Variants in EPYC observed in about 807,000 individuals in gnomAD.
EPYC encodes the protein dermatan sulfate proteoglycan 3.
A neutral mutation model predicts 30.1 loss-of-function variants in EPYC; 28 were observed. The observed-to-expected ratio is 0.93, with a 90% CI of 0.69 to 1.28. EPYC has a LOEUF of 1.28. EPYC is among the 50% of genes most tolerant of loss of function. EPYC has a pLI of 0.00. For missense variants in EPYC, 382 were observed against 383.5 expected (o/e 1.00, Z 0.03); for synonymous variants, 144 against 141.4 (o/e 1.02, Z -0.13).
chr12:90,986,240 C>A (rs986096543), intron 2 of EPYC, among the ~76,000 whole-genome samples: 2 of 152,020 alleles, frequency 1.3e-5, no homozygotes, highest in Non-Finnish European at 2.9e-5. Context: ...CCAAATCAGG[C>A]TAAAAGACCC....
intron 3 of EPYC, among the ~76,000 whole-genome samples, chr12:90,977,407 G>T (rs569954229): frequency 3.3e-5 from 5 of 152,232 alleles, no homozygotes; most frequent in South Asian, 2.1e-4. Flanking sequence ...GCAACATGGT[G>T]TCTGATGTTG....
intron 2 of EPYC, among the ~76,000 whole-genome samples, chr12:90,998,190 C>T (rs759985194): frequency 3.9e-5 from 6 of 151,926 alleles, no homozygotes; most frequent in Non-Finnish European, 7.4e-5. Flanking sequence ...ATAATAAATG[C>T]TCACTTAAGG....
intron 2 of EPYC, among the ~76,000 whole-genome samples, chr12:90,999,530 T>C (rs965578108): frequency 6.6e-6 from 1 of 152,144 alleles, no homozygotes; most frequent in Admixed American, 6.6e-5. Flanking sequence ...ATTTTCCATG[T>C]GCTTTACTTA....
At chr12:90,994,691 G>A (rs561683314) in intron 2 of EPYC, among the ~76,000 whole-genome samples, 46 of 152,184 alleles carry the variant, frequency 3.0e-4, no homozygotes, top group African/African-American at 1.1e-3. Flanking sequence ...CTTAATTTAG[G>A]ATACCCATTG....
intron 6 of EPYC, among the ~76,000 whole-genome samples, chr12:90,966,125 T>G (rs183150371): frequency 2.0e-4 from 31 of 152,136 alleles, no homozygotes; most frequent in Admixed American, 1.5e-3. Flanking sequence ...TACTATATTT[T>G]ATGTATTTAT....
At chr12:90,976,363 T>A (rs1877180445) in intron 3 of EPYC, among the ~76,000 whole-genome samples, 1 of 152,182 alleles carries the variant, frequency 6.6e-6, no homozygotes, top group African/African-American at 2.4e-5. Context: ...ATGTTTACTA[T>A]GGGCCAGTAA....
At chr12:91,004,178 C>T (rs1015130865) in intron 1 of EPYC, among the ~76,000 whole-genome samples, 8 of 151,994 alleles carry the variant, frequency 5.3e-5, no homozygotes, top group Admixed American at 2.6e-4. Flanking sequence ...AAAATTTTTC[C>T]TTATATGTTT....
intron 2 of EPYC, among the ~76,000 whole-genome samples, chr12:90,983,766 C>T (rs984508039): frequency 1.3e-5 from 2 of 152,116 alleles, no homozygotes; most frequent in African/African-American, 4.8e-5. Context: ...TTCTAAAAAC[C>T]ACTCCATCTC....
chr12:90,994,149 T>C (rs1877647271), intron 2 of EPYC, among the ~76,000 whole-genome samples: 1 of 152,138 alleles, frequency 6.6e-6, no homozygotes, highest in Admixed American at 6.5e-5. Context: ...CTTCCCAAAT[T>C]CTTGGCTCTC....
intron 2 of EPYC, among the ~76,000 whole-genome samples, chr12:90,992,494 C>T (rs759236165): frequency 2.0e-5 from 3 of 152,164 alleles, no homozygotes; most frequent in Non-Finnish European, 4.4e-5. Flanking sequence ...AAAATACATG[C>T]TCACTAGAGA....
intron 1 of EPYC, among the ~76,000 whole-genome samples, chr12:91,004,268 G>A (rs1031350938): frequency 1.3e-5 from 2 of 151,940 alleles, no homozygotes; most frequent in African/African-American, 4.8e-5. Flanking sequence ...ATTACATATA[G>A]CTACATCTCA....
chr12:90,964,129 C>T lies in EPYC; in HGVS notation c.*27G>A. 1 of 1,584,750 alleles carries T rather than the reference C, an allele frequency of 6.3e-7. No homozygotes were observed. The highest frequency in any genetic ancestry group is 8.6e-7 in the Non-Finnish European group (1 of 1,159,420). Reference sequence around the variant, plus strand: ...GTAAGAATGGTTTATTTATAGTAGCCATCGTAATGCTAACCATTATCTGAA... The same window carrying T: ...GTAAGAATGGTTTATTTATAGTAGCTATCGTAATGCTAACCATTATCTGAA... On this transcript the variant is annotated 3_prime_UTR_variant, in exon 7 of 7. Coordinates refer to ENST00000261172, the MANE Select transcript of EPYC (RefSeq NM_004950.5).
chr12:90,964,175 G>T lies in EPYC; in HGVS notation c.950C>A (p.Pro317His). 1 of 1,612,016 alleles carries T rather than the reference G, an allele frequency of 6.2e-7. No homozygotes were observed. Among genetic ancestry groups the T allele is most frequent in the Non-Finnish European group, 8.5e-7 (1 of 1,178,660 alleles). ...PQAYMCLPRL[P>H]VGSLV is the part of the protein sequence containing the mutation. ...CTGAAATTAGACAAGGCTCCCAACA[G>T]GCAGACGAGGTAGACACATGTATGC... is the stretch of plus-strand genomic sequence containing the variant. The change falls in exon 7 of 7, where the codon CCT becomes CAT. Residue 317 changes from proline (P) to histidine (H), a missense_variant. Pro to His is a moderately conservative substitution (Grantham distance 77). Coordinates refer to ENST00000261172, the MANE Select transcript of EPYC (RefSeq NM_004950.5).
At chr12:90,981,753 T>A (rs1877330541) in intron 2 of EPYC, among the ~76,000 whole-genome samples, 1 of 152,148 alleles carries the variant, frequency 6.6e-6, no homozygotes, top group African/African-American at 2.4e-5. Context: ...TTAGTACATA[T>A]TTCTTGTTGA....
chr12:90,986,036 C>T (rs192681310), intron 2 of EPYC, among the ~76,000 whole-genome samples: 140 of 152,272 alleles, frequency 9.2e-4, no homozygotes, highest in African/African-American at 3.1e-3. Flanking sequence ...GCTCTTTTCA[C>T]TTGCCTTTCT....
At chr12:91,000,826 A>G (rs951539410) in intron 2 of EPYC, among the ~76,000 whole-genome samples, 1 of 152,114 alleles carries the variant, frequency 6.6e-6, no homozygotes. Flanking sequence ...TGCAAGATGA[A>G]AAAAGAAGCA....
intron 3 of EPYC, 37 bp from the exon 4 acceptor site, chr12:90,973,017 C>G: frequency 3.6e-6 from 5 of 1,396,250 alleles, no homozygotes; most frequent in Non-Finnish European, 4.9e-6. Flanking sequence ...AATGTAAGTA[C>G]CAAATCAATT....
intron 6 of EPYC, among the ~76,000 whole-genome samples, chr12:90,966,470 A>G (rs1876898607): frequency 6.6e-6 from 1 of 151,986 alleles, no homozygotes; most frequent in Non-Finnish European, 1.5e-5. Context: ...AACTATTCTT[A>G]TATTTCTGCA....
intron 2 of EPYC, among the ~76,000 whole-genome samples, chr12:90,996,670 A>T (rs1402001065): frequency 6.6e-6 from 1 of 152,020 alleles, no homozygotes; most frequent in African/African-American, 2.4e-5. Flanking sequence ...CTTTACAAGG[A>T]TGATTTTAAA....
Sources: allele counts gnomAD v4.1 joint callset (sites outside exome capture counted in the v4.1 genomes callset), GRCh38; gene constraint gnomAD v4.1.1; transcripts MANE v1.5; gene names NCBI Gene and HGNC (gene_info 2026-07-23, HGNC 2026-07-21).